CARM1: variants seen among roughly 807,000 people sequenced by gnomAD.
The protein encoded by CARM1 is histone-arginine methyltransferase CARM1.
Under a neutral mutation model 72.7 loss-of-function variants are expected in CARM1, and 14 were observed. The observed-to-expected ratio is 0.19, with a 90% CI of 0.13 to 0.30. The LOEUF (loss-of-function observed/expected upper bound fraction) is 0.30, where lower values mean the gene tolerates loss of function less well. Ranked by LOEUF, CARM1 falls within the 10% of genes least tolerant of loss-of-function variation. The pLI, the probability that CARM1 is intolerant of heterozygous loss-of-function variation, is 1.00. For synonymous variants in CARM1, 333 were observed against 345.5 expected, an observed-to-expected ratio of 0.96 and a Z score of 0.40; for missense variants, 432 against 833.7, an observed-to-expected ratio of 0.52 and a Z score of 5.93.
chr19:10,916,414 G>A lies in CARM1; in HGVS notation c.855G>A (p.Met285Ile), dbSNP rs2074197287. 1 of 1,612,874 alleles carries A rather than the reference G, an allele frequency of 6.2e-7. No individual in the cohort carries two copies. The highest frequency in any genetic ancestry group is 1.7e-5 in the Admixed American group (1 of 59,976). ...TCCCTGCCCCACTCCCAGGAAACAT[G>A]TTTCCTACCATTGGTGACGTCCACC... ...AKKYLKPSGN[M>I]FPTIGDVHLA... Residue 285 changes from methionine (M) to isoleucine (I), a missense_variant, in exon 7 of 16, where the codon ATG (methionine) becomes ATA (isoleucine). Physicochemically the swap from Met to Ile is conservative, Grantham distance 10 (BLOSUM62 1). This residue lies in a region of CARM1 where 152 missense variants were observed against 452.8 expected (regional missense o/e 0.34). Transcript: ENST00000327064. This position sits in a 1 kb window ranked among gnomAD's most constrained non-coding sequence, Gnocchi z 4.4.
At position 10,920,821 on chromosome 19, in the gene CARM1, G is replaced by C; in HGVS notation, c.1425-13G>C. 1 of 1,614,066 alleles carries C rather than the reference G, an allele frequency of 6.2e-7. No individual in the cohort carries two copies. The highest frequency in any genetic ancestry group is 8.5e-7 in the Non-Finnish European group (1 of 1,179,892). On this transcript the variant is annotated splice_polypyrimidine_tract_variant and intron_variant, in intron 12 of 15. Transcript: ENST00000327064. The surrounding 1 kb of genome is among the most constrained non-coding windows in gnomAD (Gnocchi z 5.3). ...CCCCCTTGCCCCTGCCCATGGCTCT[G>C]TCTCTGCCATAGATACACGGGCACA...
In CARM1 at chr19:10,904,911, CAGGGCTGCACCGCT is replaced by C. The variant is rs780870655; in HGVS notation, c.221-39_221-26del. 20 of 1,597,870 alleles carry C rather than the reference CAGGGCTGCACCGCT, an allele frequency of 1.3e-5. No individual in the cohort carries two copies. In the African/African-American group the frequency reaches 2.7e-4, roughly 21 times the overall value. The stretch of plus-strand genomic sequence containing the variant: ...CCCAGGCTCAAAAGAAGGCAGCTGA[CAGGGCTGCACCGCT>C]CACGCCAGCCTGTCTTCTCTCGTAG... On this transcript the variant is annotated intron_variant, in intron 1 of 15. Transcript: ENST00000327064.
intron 1 of CARM1, among the ~76,000 whole-genome samples, chr19:10,902,649 C>G (rs1174635474): frequency 6.6e-6 from 1 of 150,778 alleles, no homozygotes; most frequent in Non-Finnish European, 1.5e-5. Context: ...ATTCTTGTCA[C>G]CCAGGCTAGA....
At chr19:10,881,028 T>G (rs1038991396) in intron 1 of CARM1, among the ~76,000 whole-genome samples, 2 of 152,092 alleles carry the variant, frequency 1.3e-5, no homozygotes, top group Non-Finnish European at 2.9e-5. Flanking sequence ...TTAGCCGGCA[T>G]GGTGGCACAT....
chr19:10,901,315 G>GT (rs1264639684), intron 1 of CARM1, among the ~76,000 whole-genome samples: 2 of 150,768 alleles, frequency 1.3e-5, no homozygotes, highest in Non-Finnish European at 3.0e-5. Flanking sequence ...TTTTGTTTTT[G>GT]TTTTTTTAAA....
At chr19:10,894,739 C>CTT (rs1448973533) in intron 1 of CARM1, among the ~76,000 whole-genome samples, 1 of 141,560 alleles carries the variant, frequency 7.1e-6, no homozygotes, top group East Asian at 2.1e-4. Flanking sequence ...TTCTCTCTCT[C>CTT]TCTTTTTTTT....
Position 10,871,978 on chromosome 19 carries a change from C to T in CARM1, c.220+56C>T, listed in dbSNP as rs2073822236. The T allele has an allele frequency of 1.7e-6, 2 of 1,155,102 alleles. No homozygotes were observed. The highest frequency in any genetic ancestry group is 4.7e-5 in the Admixed American group (1 of 21,214). 71.6% of individuals were successfully genotyped at this position (1,155,102 alleles called of 1,614,324 possible). ...GCCGGGGCTGCTCACGAGGCCGGCCCGGGGCGGGGGCCGGCGGGGAGGGGC... is the reference window on the plus strand; with the variant it reads ...GCCGGGGCTGCTCACGAGGCCGGCCTGGGGCGGGGGCCGGCGGGGAGGGGC... On this transcript the variant is annotated intron_variant, in intron 1 of 15. Coordinates refer to ENST00000327064, the MANE Select transcript of CARM1 (RefSeq NM_199141.2). This position sits in a 1 kb window ranked among gnomAD's most constrained non-coding sequence, Gnocchi z 5.6.
intron 1 of CARM1, among the ~76,000 whole-genome samples, chr19:10,888,257 A>C (rs1424663440): frequency 6.6e-6 from 1 of 152,146 alleles, no homozygotes; most frequent in African/African-American, 2.4e-5. Flanking sequence ...GGCATTGCCC[A>C]GGCCCAGAGC....
At position 10,871,893 on chromosome 19, in the gene CARM1, C is replaced by G; in HGVS notation, c.191C>G (p.Pro64Arg). Residue 64 changes from proline (P) to arginine (R), a missense_variant, in exon 1 of 16, where the codon CCG becomes CGG. Transcript: ENST00000327064. The surrounding 1 kb of genome is among the most constrained non-coding windows in gnomAD (Gnocchi z 5.6). ...CTGCGCCTCGAGGTGCGCGCCGGCC[C>G]GGACTCGGCGGGCATCGCCCTCTAC... The part of the protein sequence containing the change: ...QALRLEVRAG[P>R]DSAGIALYSH... The G allele has an allele frequency of 1.6e-6, 2 of 1,235,404 alleles. No homozygotes were observed. The highest frequency in any genetic ancestry group is 2.0e-6 in the Non-Finnish European group (2 of 985,872). The allele number at this position is 1,235,404 out of a possible 1,614,324, so 76.5% of individuals were successfully genotyped here.
chr19:10,905,090 C>T lies in CARM1; in HGVS notation c.346+14C>T, dbSNP rs1472346723. On this transcript the variant is annotated intron_variant, in intron 2 of 15. Coordinates refer to ENST00000327064, the MANE Select transcript of CARM1 (RefSeq NM_199141.2). ...CCACACCCAACGGTACGTGGCCCTC[C>T]TTCCATTCCGGTGACACCAGCCCAA... is the stretch of plus-strand genomic sequence containing the variant. 4 of 1,611,848 alleles carry T rather than the reference C, an allele frequency of 2.5e-6. No homozygotes were observed. Among genetic ancestry groups the T allele is most frequent in the East Asian group, 2.2e-5 (1 of 44,866 alleles).
chr19:10,881,367 G>A (rs1321520868), intron 1 of CARM1, among the ~76,000 whole-genome samples: 1 of 152,288 alleles, frequency 6.6e-6, no homozygotes, highest in Admixed American at 6.5e-5. Context: ...ACTGAAAAAG[G>A]GTACCAGTTC....
At chr19:10,886,231 T>C (rs1004111834) in intron 1 of CARM1, among the ~76,000 whole-genome samples, 1 of 152,020 alleles carries the variant, frequency 6.6e-6, no homozygotes, top group Non-Finnish European at 1.5e-5. Flanking sequence ...TAATTGTGTA[T>C]TTTTAGTAGA....
rs552602802 is a variant in CARM1 at position 10,909,443 on chromosome 19, C to A, written c.558+236C>A. ...GAGACTCTTGTCTCTTAAAAAAAAACAAATAAACAAGGCCAGGCGCGGTGG... is the reference window on the plus strand; with the variant it reads ...GAGACTCTTGTCTCTTAAAAAAAAAAAAATAAACAAGGCCAGGCGCGGTGG... On this transcript the variant is annotated intron_variant, in intron 4 of 15. Coordinates refer to ENST00000327064, the MANE Select transcript of CARM1 (RefSeq NM_199141.2). Among the ~76,000 whole-genome samples, 36 of 146,064 alleles carry A rather than the reference C, an allele frequency of 2.5e-4. No homozygotes were observed. The South Asian group carries it at 2.8e-3, about 11-fold the overall frequency.
At chr19:10,893,730 G>A (rs2074004877) in intron 1 of CARM1, among the ~76,000 whole-genome samples, 1 of 152,216 alleles carries the variant, frequency 6.6e-6, no homozygotes, top group Non-Finnish European at 1.5e-5. Context: ...TCTGCTGCAT[G>A]TGGGCTCTGA....
chr19:10,872,174 G>A (rs1599678773), intron 1 of CARM1, among the ~76,000 whole-genome samples: 1 of 151,830 alleles, frequency 6.6e-6, no homozygotes, highest in Middle Eastern at 3.2e-3. Context: ...GGAGTGAAGG[G>A]CCTGAGATTT....
At position 10,912,558 on chromosome 19, in the gene CARM1, T is replaced by C. The variant is rs544516915; in HGVS notation, c.669+264T>C. ...GCACTGAAACCTTCATTCACAAAGTTCAAAACATAAAAGCTAAAAAAGAGC... is the reference window on the plus strand; with the variant it reads ...GCACTGAAACCTTCATTCACAAAGTCCAAAACATAAAAGCTAAAAAAGAGC... On this transcript the variant is annotated intron_variant, in intron 5 of 15. Transcript: ENST00000327064. The surrounding 1 kb of genome is among the most constrained non-coding windows in gnomAD (Gnocchi z 4.5). Among the ~76,000 whole-genome samples the C allele has an allele frequency of 9.2e-5, 14 of 151,938 alleles. No homozygotes were observed. Among genetic ancestry groups the C allele is most frequent in the African/African-American group, 3.1e-4 (13 of 41,436 alleles).
rs770115918 is a variant in CARM1, at chr19:10,912,261, G to A, written c.636G>A (p.Ala212=). The A allele has an allele frequency of 3.1e-5, 50 of 1,613,460 alleles. No homozygotes were observed. Among genetic ancestry groups the A allele is most frequent in the South Asian group, 2.5e-4 (23 of 91,074 alleles). The change falls in exon 5 of 16, where the codon GCG becomes GCA. Residue 212 remains alanine, a synonymous_variant. Transcript: ENST00000327064. This position sits in a 1 kb window ranked among gnomAD's most constrained non-coding sequence, Gnocchi z 4.5. ...AAQAGARKIY[A]VEASTMAQHA... is the part of the protein sequence containing the mutation. ...AAGCTGGAGCACGGAAAATCTACGC[G>A]GTGGAGGCCAGCACCATGGCCCAGC...
Position 10,916,646 on chromosome 19 carries a change from T to C in CARM1, c.939-50T>C, listed in dbSNP as rs539522163. The C allele has an allele frequency of 2.5e-3, 3,680 of 1,501,290 alleles. 102 individuals carry two copies. The South Asian group carries it at 0.042, about 17-fold the overall frequency. 93.0% of individuals were successfully genotyped at this position (1,501,290 alleles called of 1,614,324 possible). ...GGAGAGAAGGCAGGGCTACCCCACC[T>C]GCCTCTTCTGCAGCCCTGACCTTGC... On this transcript the variant is annotated intron_variant, in intron 7 of 15. Coordinates refer to ENST00000327064, the MANE Select transcript of CARM1 (RefSeq NM_199141.2). The surrounding 1 kb of genome is among the most constrained non-coding windows in gnomAD (Gnocchi z 4.4).
intron 2 of CARM1, among the ~76,000 whole-genome samples, chr19:10,906,522 G>C (rs1042887821): frequency 1.3e-5 from 2 of 152,018 alleles, no homozygotes; most frequent in Non-Finnish European, 2.9e-5. Context: ...GAGTGCAGTG[G>C]CGCGATCTCG....
Sources: allele counts gnomAD v4.1 joint callset (sites outside exome capture counted in the v4.1 genomes callset), GRCh38; gene constraint gnomAD v4.1.1; regional missense constraint gnomAD v4.1.1; non-coding constraint Gnocchi (gnomAD v3.1); transcripts MANE v1.5; gene names NCBI Gene and HGNC (gene_info 2026-07-23, HGNC 2026-07-21).